Variants in NCKAP5 observed in about 807,000 individuals in gnomAD.
NCKAP5 encodes nck-associated protein 5.
A neutral mutation model predicts 167.0 loss-of-function variants in NCKAP5; 92 were observed. That is an observed-to-expected ratio of 0.55 (90% CI 0.47 to 0.66). The LOEUF (loss-of-function observed/expected upper bound fraction) is 0.66, where lower values mean the gene tolerates loss of function less well. Ranked by LOEUF, NCKAP5 falls within the 30% of genes least tolerant of loss-of-function variation. The pLI is 0.00. For missense variants in NCKAP5, 2,378 were observed against 2,315.0 expected, an observed-to-expected ratio of 1.03 and a Z score of -0.56; for synonymous variants, 891 against 877.4, an observed-to-expected ratio of 1.02 and a Z score of -0.27.
intron 1 of NCKAP5, among the ~76,000 whole-genome samples, chr2:133,564,655 C>T (rs1165506129): frequency 6.6e-6 from 1 of 152,100 alleles, no homozygotes; most frequent in Non-Finnish European, 1.5e-5. Flanking sequence ...GAGCAGGGAA[C>T]GTTGTCAGAT....
chr2:133,620,700 C>T, the NCKAP5 span, among the ~76,000 whole-genome samples: 9 of 151,998 alleles, frequency 5.9e-5, no homozygotes, highest in African/African-American at 9.7e-5. Context: ...ACTGACAGCA[C>T]GAGACAGGTC....
chr2:133,285,649 G>A (rs929290330), intron 4 of NCKAP5, among the ~76,000 whole-genome samples: 4 of 152,126 alleles, frequency 2.6e-5, no homozygotes, highest in Non-Finnish European at 5.9e-5. Flanking sequence ...TTTATATAAT[G>A]CACGTATCAC....
At chr2:133,394,655 T>C (rs1181335767) in intron 3 of NCKAP5, among the ~76,000 whole-genome samples, 2 of 152,212 alleles carry the variant, frequency 1.3e-5, no homozygotes, top group East Asian at 1.9e-4. Flanking sequence ...CAATACATAG[T>C]GACGTTTCTT....
chr2:133,344,873 T>G (rs1473046121), intron 3 of NCKAP5, among the ~76,000 whole-genome samples: 1 of 151,782 alleles, frequency 6.6e-6, no homozygotes, highest in Admixed American at 6.6e-5. Flanking sequence ...GACAGACATG[T>G]GGAGATGTCA....
At chr2:133,672,292 A>G in the NCKAP5 span, among the ~76,000 whole-genome samples, 1 of 152,242 alleles carries the variant, frequency 6.6e-6, no homozygotes, top group African/African-American at 2.4e-5. Context: ...CAAATGGCAC[A>G]CGATGAGGCT....
intron 6 of NCKAP5, among the ~76,000 whole-genome samples, chr2:133,090,404 T>G (rs904231639): frequency 6.6e-6 from 1 of 151,904 alleles, no homozygotes; most frequent in African/African-American, 2.4e-5. Context: ...TCTGCCTCCG[T>G]GGTCACACTG....
In NCKAP5 at chr2:133,517,465, C is replaced by T; in HGVS notation, c.62G>A (p.Ser21Asn). The change falls in exon 3 of 20, where the codon AGT (serine) becomes AAT (asparagine). Residue 21 changes from serine (S) to asparagine (N), a missense_variant. Around this residue, in one of 3 missense-constraint regions of NCKAP5, gnomAD observed 1,049 missense variants for 1,023.4 expected, o/e 1.02. Coordinates refer to ENST00000409261, the MANE Select transcript of NCKAP5 (RefSeq NM_207363.3). The part of the protein sequence containing the change: ...DFGKRLSLDS[S>N]LVEYMDSNKY... ...TGAATATTTAGTACTTACCACAAGA[C>T]TGCTGTCTAGAGACAGCCTTTTTCC... 1 of 1,510,856 alleles carries T rather than the reference C, an allele frequency of 6.6e-7. No homozygotes were observed. Among genetic ancestry groups the T allele is most frequent in the Non-Finnish European group, 8.9e-7 (1 of 1,122,606 alleles). The allele number at this position is 1,510,856 out of a possible 1,614,324, so 93.6% of individuals were successfully genotyped here.
In NCKAP5 at chr2:133,489,098, C is replaced by T. The variant is rs147062237; in HGVS notation, c.69+28360G>A. ...AGGGAGACTCAATCTCAGAAAAAGT[C>T]GGCAGGTAGTTAAGGGGGACATAGT... On this transcript the variant is annotated intron_variant, in intron 3 of 19. Transcript: ENST00000409261. 7.2e-3 allele frequency among the ~76,000 whole-genome samples: 1,097 copies of T among 152,104 alleles called. 9 individuals are homozygous for T. Among genetic ancestry groups the T allele is most frequent in the Non-Finnish European group, 9.5e-3 (646 of 67,976 alleles).
At chr2:133,247,282 A>C (rs1242160073) in intron 4 of NCKAP5, among the ~76,000 whole-genome samples, 1 of 152,176 alleles carries the variant, frequency 6.6e-6, no homozygotes, top group Non-Finnish European at 1.5e-5. Flanking sequence ...AGGGTGGCTA[A>C]TGGCTGTTTT....
intron 4 of NCKAP5, among the ~76,000 whole-genome samples, chr2:133,276,646 A>C (rs1199152174): frequency 1.3e-5 from 2 of 152,132 alleles, no homozygotes; most frequent in Non-Finnish European, 2.9e-5. Context: ...CTCCACATTT[A>C]CTTCAGGACA....
In NCKAP5 at chr2:133,037,300, A is replaced by C. The variant is rs535408073; in HGVS notation, c.342-43061T>G. On this transcript the variant is annotated intron_variant, in intron 6 of 19. Coordinates refer to ENST00000409261, the MANE Select transcript of NCKAP5 (RefSeq NM_207363.3). ...TCTTCAAAGAAATAGAAAAAATCCT[A>C]AAATATATGTGGAACCACAAAAGAT... Among the ~76,000 whole-genome samples the C allele has an allele frequency of 2.7e-4, 41 of 152,200 alleles. No homozygotes were observed. The Middle Eastern group carries it at 0.014, about 51-fold the overall frequency.
rs574884051 is a variant in NCKAP5, at chr2:133,545,936, A to C, written c.-62+13114T>G. Among the ~76,000 whole-genome samples the C allele has an allele frequency of 2.0e-5, 3 of 152,216 alleles. 1 individual carries two copies. The highest frequency in any genetic ancestry group is 4.4e-5 in the Non-Finnish European group (3 of 68,034). The stretch of plus-strand genomic sequence containing the variant: ...GATACCGTTTGCTAAAAATGCCCTG[A>C]AATTATTTTGGTTTGTTATGGTACT... On this transcript the variant is annotated intron_variant, in intron 2 of 19. Transcript: ENST00000409261.
chr2:133,410,611 A>T (rs1255279727), intron 3 of NCKAP5, among the ~76,000 whole-genome samples: 4 of 152,166 alleles, frequency 2.6e-5, no homozygotes, highest in African/African-American at 9.7e-5. Flanking sequence ...TGCTTCTCAG[A>T]GTGGTCTCCA....
Position 132,994,195 on chromosome 2 carries a change from G to A in NCKAP5, c.386C>T (p.Pro129Leu). The A allele has an allele frequency of 6.3e-7, 1 of 1,591,572 alleles. No homozygotes were observed. Reference protein sequence around the residue: ...VRNLLQSQGSPEQKKEETVNI... With the variant: ...VRNLLQSQGSLEQKKEETVNI... ...AACAGTTTCTTCTTTTTTCTGCTCT[G>A]GAGATCCTTGACTCTGCAATAGATT... Residue 129 changes from proline (P) to leucine (L), a missense_variant, in exon 7 of 20, where the codon CCA (proline) becomes CTA (leucine). By Grantham distance (98) the Pro-to-Leu change is moderately conservative (BLOSUM62 -3). This residue lies in a region of NCKAP5 where 1,049 missense variants were observed against 1,023.4 expected (regional missense o/e 1.02). Coordinates refer to ENST00000409261, the MANE Select transcript of NCKAP5 (RefSeq NM_207363.3).
At chr2:133,242,611 T>G (rs574994297) in intron 4 of NCKAP5, among the ~76,000 whole-genome samples, 2 of 152,352 alleles carry the variant, frequency 1.3e-5, no homozygotes, top group African/African-American at 2.4e-5. Flanking sequence ...GGTATAGCCC[T>G]GGAAATAATA....
intron 19 of NCKAP5, among the ~76,000 whole-genome samples, chr2:132,700,239 G>A (rs773511395): frequency 6.6e-6 from 1 of 152,066 alleles, no homozygotes; most frequent in African/African-American, 2.4e-5. Context: ...TTGTCAGATG[G>A]GTAGATTACA....
chr2:133,488,968 G>A (rs1174161339), intron 3 of NCKAP5, among the ~76,000 whole-genome samples: 1 of 151,998 alleles, frequency 6.6e-6, no homozygotes, highest in African/African-American at 2.4e-5. Flanking sequence ...GCATGCCTGT[G>A]GTCCCAGCTA....
chr2:133,525,560 G>A (rs1417944026), intron 2 of NCKAP5, among the ~76,000 whole-genome samples: 1 of 152,176 alleles, frequency 6.6e-6, no homozygotes, highest in African/African-American at 2.4e-5. Context: ...AGGAAGAGAG[G>A]TCAGAGAAGA....
At chr2:132,823,233 C>G (rs1558823638) in intron 11 of NCKAP5, among the ~76,000 whole-genome samples, 2 of 152,246 alleles carry the variant, frequency 1.3e-5, no homozygotes, top group South Asian at 4.2e-4. Context: ...AAGATCATCA[C>G]CTAGGCACAT....
Sources: allele counts gnomAD v4.1 joint callset (sites outside exome capture counted in the v4.1 genomes callset), GRCh38; gene constraint gnomAD v4.1.1; regional missense constraint gnomAD v4.1.1; transcripts MANE v1.5; gene names NCBI Gene and HGNC (gene_info 2026-07-23, HGNC 2026-07-21).